Variants in KRT82 observed in about 807,000 individuals in gnomAD.
The protein encoded by KRT82 is keratin, type II cuticular Hb2.
Under a neutral mutation model 48.0 loss-of-function variants are expected in KRT82, and 44 were observed. The observed-to-expected ratio is 0.92, with a 90% CI of 0.72 to 1.18. The LOEUF (loss-of-function observed/expected upper bound fraction) is 1.18. Among genes scored for constraint, KRT82 ranks in the 50% most tolerant of loss-of-function variants. The probability of loss-of-function intolerance (pLI) is 0.00; values close to 1 mark genes in which losing one functional copy is unlikely to be tolerated. For missense variants in KRT82, 701 were observed against 671.4 expected (o/e 1.04, Z -0.49); for synonymous variants, 297 against 278.3 (o/e 1.07, Z -0.67).
At chr12:52,396,257 T>A in intron 6 of KRT82, 25 bp from the exon 7 acceptor site, 1 of 1,595,000 alleles carries the variant, frequency 6.3e-7, no homozygotes, top group Middle Eastern at 1.7e-4. Flanking sequence ...CAGAAAAGCA[T>A]CACTGGGGGC....
Position 52,395,141 on chromosome 12 carries a change from G to T in KRT82, c.1376C>A (p.Pro459His). 2.5e-6 allele frequency: 4 copies of T among 1,614,084 alleles called. No homozygotes were observed. Among genetic ancestry groups the T allele is most frequent in the Non-Finnish European group, 3.4e-6 (4 of 1,179,996 alleles). Residue 459 changes from proline (P) to histidine (H), a missense_variant, in exon 9 of 9, where the codon CCT becomes CAT. Coordinates refer to ENST00000257974, the MANE Select transcript of KRT82 (RefSeq NM_033033.4). ...CCTGAGGACGCCAGTGCTGAGGACA[G>T]GCGTGCTGACCCCACATGGCTCGTA... The part of the protein sequence containing the change: ...FLYEPCGVST[P>H]VLSTGVLRSN...
At position 52,397,007 on chromosome 12, in the gene KRT82, T is replaced by A; in HGVS notation, c.944A>T (p.Tyr315Phe). The A allele has an allele frequency of 6.2e-7, 1 of 1,613,766 alleles. No homozygotes were observed. The highest frequency in any genetic ancestry group is 8.5e-7 in the Non-Finnish European group (1 of 1,180,014). The change falls in exon 6 of 9, where the codon TAT (tyrosine) becomes TTT (phenylalanine). Residue 315 changes from tyrosine to phenylalanine, a missense_variant and splice_region_variant. Transcript: ENST00000257974. Reference sequence around the variant, plus strand: ...CCCAGCTGTGACTCTCAGCTCCTCATACTGCCAGGACAGAGAGGTCAGAGC... The same window carrying A: ...CCCAGCTGTGACTCTCAGCTCCTCAAACTGCCAGGACAGAGAGGTCAGAGC... ...AEAEAWYQCR[Y>F]EELRVTAGNH...
Position 52,400,043 on chromosome 12 carries a change from T to C in KRT82, c.884A>G (p.Gln295Arg), listed in dbSNP as rs773078780. The change falls in exon 5 of 9, where the codon CAG becomes CGG. Residue 295 changes from glutamine to arginine, a missense_variant. By Grantham distance (43) the Gln-to-Arg change is conservative. Coordinates refer to ENST00000257974, the MANE Select transcript of KRT82 (RefSeq NM_033033.4). ...VDGIIAEIKA[Q>R]YDDIASRSKA... is the part of the protein sequence containing the mutation. ...GCTGCGGCTGGCGATGTCGTCATAC[T>C]GCGCCTTGATCTCAGCGATGATGCC... is the stretch of plus-strand genomic sequence containing the variant. 20 of 1,614,092 alleles carry C rather than the reference T, an allele frequency of 1.2e-5. No individual in the cohort carries two copies. The South Asian group carries it at 1.5e-4, about 12-fold the overall frequency.
intron 7 of KRT82, 45 bp from the exon 8 acceptor site, chr12:52,395,835 A>T: frequency 1.4e-6 from 2 of 1,469,130 alleles, no homozygotes; most frequent in Non-Finnish European, 1.8e-6. Flanking sequence ...CATCAAACAG[A>T]TGCAGGTAAA....
At position 52,394,561 on chromosome 12, in the gene KRT82, A is replaced by G. The variant is rs1194686717; in HGVS notation, c.*414T>C. 2 of 190,192 alleles carry G rather than the reference A, an allele frequency of 1.1e-5. No individual in the cohort carries two copies. Among genetic ancestry groups the G allele is most frequent in the East Asian group, 2.9e-4 (2 of 6,920 alleles). 11.8% of individuals were successfully genotyped at this position (190,192 alleles called of 1,614,324 possible). On this transcript the variant is annotated 3_prime_UTR_variant, in exon 9 of 9. Transcript: ENST00000257974. ...GTGTTAAAGGAAATTCACTTTTCTT[A>G]GGGGCATGAGAGCCTAAAGTAAGGG...
At chr12:52,403,070 C>T (rs1011015143) in intron 2 of KRT82, among the ~76,000 whole-genome samples, 1 of 152,194 alleles carries the variant, frequency 6.6e-6, no homozygotes, top group Non-Finnish European at 1.5e-5. Context: ...TGCTTATCAA[C>T]CACCTACTCC....
chr12:52,395,110 A>T lies in KRT82; in HGVS notation c.1407T>A (p.Asn469Lys), dbSNP rs2121465890. ...PVLSTGVLRS[N>K]GGCSIVGTGE... ...CAGTGCCCACGATGCTGCAGCCCCC[A>T]TTGCTCCTGAGGACGCCAGTGCTGA... Residue 469 changes from asparagine to lysine, a missense_variant, in exon 9 of 9, where the codon AAT becomes AAA. By Grantham distance (94) the Asn-to-Lys change is moderately conservative. Coordinates refer to ENST00000257974, the MANE Select transcript of KRT82 (RefSeq NM_033033.4). 1 of 1,613,974 alleles carries T rather than the reference A, an allele frequency of 6.2e-7. No homozygotes were observed. Among genetic ancestry groups the T allele is most frequent in the East Asian group, 2.2e-5 (1 of 44,848 alleles).
rs1054483167 is a variant in KRT82, at chr12:52,406,187, A to G, written c.91T>C (p.Tyr31His). Residue 31 changes from tyrosine to histidine, a missense_variant, in exon 1 of 9, where the codon TAT becomes CAT. Transcript: ENST00000257974. ...CGGCATGGCCCCTTGCTCACTGCAT[A>G]GTGGGTGACCATCCGGGGCATGACA... ...SAVMPRMVTHYAVSKGPCRPG... is the reference protein window; with the variant it reads ...SAVMPRMVTHHAVSKGPCRPG... The G allele has an allele frequency of 1.7e-5, 28 of 1,613,536 alleles. No homozygotes were observed. Among genetic ancestry groups the G allele is most frequent in the Non-Finnish European group, 2.4e-5 (28 of 1,179,984 alleles).
At position 52,395,779 on chromosome 12, in the gene KRT82, C is replaced by A; in HGVS notation, c.1301G>T (p.Gly434Val). The stretch of plus-strand genomic sequence containing the variant: ...CTTACAGATATTCACGGGCCCGATG[C>A]CTTCGCACAGCCTGGGGATGAGAGG... ...LEGEEHRLCE[G>V]IGPVNISVSS... is the part of the protein sequence containing the mutation. The change falls in exon 8 of 9, where the codon GGC becomes GTC. Residue 434 changes from glycine to valine, a missense_variant. Coordinates refer to ENST00000257974, the MANE Select transcript of KRT82 (RefSeq NM_033033.4). 6.4e-7 allele frequency: 1 copy of A among 1,553,356 alleles called. No individual in the cohort carries two copies.
Position 52,401,382 on chromosome 12 carries a change from C to T in KRT82, c.621-33G>A, listed in dbSNP as rs201112147. 2.5e-5 allele frequency: 41 copies of T among 1,608,454 alleles called. No homozygotes were observed. The East Asian group carries it at 6.7e-4, about 26-fold the overall frequency. ...AAAAGGCAGGAAAAAATGCTTTAGT[C>T]GGGCTTGTGGATTTTGGAAGAGATC... On this transcript the variant is annotated intron_variant, in intron 2 of 8. Coordinates refer to ENST00000257974, the MANE Select transcript of KRT82 (RefSeq NM_033033.4).
chr12:52,401,567 C>G (rs184104307), intron 2 of KRT82, among the ~76,000 whole-genome samples: 1 of 152,166 alleles, frequency 6.6e-6, no homozygotes, highest in Non-Finnish European at 1.5e-5. Flanking sequence ...TCCTCAGGAA[C>G]CTTCTCCCGC....
At chr12:52,395,907 A>C (rs34479712) in intron 7 of KRT82, 105 bp downstream of exon 7, 849,906 of 1,526,366 alleles carry the variant, frequency 0.56, 237,939 homozygotes, top group East Asian at 0.61. Flanking sequence ...TTTTCAATGA[A>C]TGTGGGTAGG....
At chr12:52,396,504 G>A (rs1939717964) in intron 6 of KRT82, among the ~76,000 whole-genome samples, 1 of 152,204 alleles carries the variant, frequency 6.6e-6, no homozygotes, top group Non-Finnish European at 1.5e-5. Flanking sequence ...CCCTAGCCCA[G>A]GAGAATGGAG....
In KRT82 at chr12:52,400,516, G is replaced by C; in HGVS notation, c.777+11C>G. 6.2e-7 allele frequency: 1 copy of C among 1,603,864 alleles called. No homozygotes were observed. The highest frequency in any genetic ancestry group is 8.5e-7 in the Non-Finnish European group (1 of 1,170,620). On this transcript the variant is annotated intron_variant, in intron 4 of 8. Coordinates refer to ENST00000257974, the MANE Select transcript of KRT82 (RefSeq NM_033033.4). The stretch of plus-strand genomic sequence containing the variant: ...CCCTGACTAACCACCCAAGGTCAGG[G>C]CTGTGGGTACCTCCTCATACAGGCT...
chr12:52,404,368 C>T (rs1204920698), intron 1 of KRT82, among the ~76,000 whole-genome samples: 1 of 152,114 alleles, frequency 6.6e-6, no homozygotes, highest in Non-Finnish European at 1.5e-5. Flanking sequence ...TTATGACAGC[C>T]TAGGGACACT....
intron 1 of KRT82, among the ~76,000 whole-genome samples, chr12:52,405,284 A>T (rs1321994315): frequency 1.3e-5 from 2 of 152,238 alleles, no homozygotes; most frequent in Non-Finnish European, 2.9e-5. Context: ...GTGCAGATTC[A>T]GTTCAGCACC....
chr12:52,404,115 C>T (rs1939823607), intron 1 of KRT82, among the ~76,000 whole-genome samples: 1 of 152,212 alleles, frequency 6.6e-6, no homozygotes, highest in African/African-American at 2.4e-5. Flanking sequence ...TAGTGGACCC[C>T]TACTTTCCAC....
In KRT82 at chr12:52,406,282, G is replaced by GGA. The variant is rs1441855186; in HGVS notation, c.-7_-6dup. On this transcript the variant is annotated 5_prime_UTR_variant, in exon 1 of 9. Coordinates refer to ENST00000257974, the MANE Select transcript of KRT82 (RefSeq NM_033033.4). Reference sequence around the variant, plus strand: ...CTGGAAAGAGTGGTACGACATGGCAGGAGAGAGAGGCAGAGAAATGCGGCC... The same window carrying GGA: ...CTGGAAAGAGTGGTACGACATGGCAGGAGAGAGAGAGGCAGAGAAATGCGGCC... 2 of 1,575,614 alleles carry GGA rather than the reference G, an allele frequency of 1.3e-6. No individual in the cohort carries two copies.
Position 52,403,784 on chromosome 12 carries a change from C to T in KRT82, c.537G>A (p.Gln179=). 1 of 1,613,668 alleles carries T rather than the reference C, an allele frequency of 6.2e-7. No homozygotes were observed. Among genetic ancestry groups the T allele is most frequent in the Non-Finnish European group, 8.5e-7 (1 of 1,180,028 alleles). ...FEGYISALRR[Q]LDCVSGDRVR... Reference sequence around the variant, plus strand: ...CGCGGTCCCCGGACACACAGTCCAGCTGCCGCCGAAGGGCGCTGATATAGC... The same window carrying T: ...CGCGGTCCCCGGACACACAGTCCAGTTGCCGCCGAAGGGCGCTGATATAGC... Residue 179 remains glutamine, a synonymous_variant, in exon 2 of 9, where the codon CAG becomes CAA. Coordinates refer to ENST00000257974, the MANE Select transcript of KRT82 (RefSeq NM_033033.4).
Sources: gnomAD v4.1 joint callset for allele counts (sites outside exome capture counted in the v4.1 genomes callset) on GRCh38, gnomAD v4.1.1 for gene constraint, MANE v1.5 for transcripts, NCBI Gene and HGNC (gene_info 2026-07-23, HGNC 2026-07-21) for gene names.